NGEF: variants seen among roughly 807,000 people sequenced by gnomAD.
The protein encoded by NGEF is neuronal guanine nucleotide exchange factor.
NGEF carries 31 observed loss-of-function variants against 80.9 expected under a neutral mutation model. That is an observed-to-expected ratio of 0.38 (90% CI 0.29 to 0.52). The LOEUF (loss-of-function observed/expected upper bound fraction) is 0.52, where lower values mean the gene tolerates loss of function less well. NGEF is among the 20% of genes least tolerant of loss of function. The pLI is 0.84. For synonymous variants in NGEF, 371 were observed against 370.2 expected, an observed-to-expected ratio of 1.00 and a Z score of -0.03; for missense variants, 709 against 926.2, an observed-to-expected ratio of 0.77 and a Z score of 3.04.
chr2:232,897,967 G>GGGCCTCACAGCAGCA (rs1491163177), intron 5 of NGEF, among the ~76,000 whole-genome samples: 2 of 151,316 alleles, frequency 1.3e-5, no homozygotes, highest in Admixed American at 6.6e-5. Flanking sequence ...ACACAGCAGC[G>GGGCCTCACAGCAGCA]GGCCTCACAG....
chr2:232,950,046 A>G (rs778220691), intron 3 of NGEF, among the ~76,000 whole-genome samples: 1 of 152,152 alleles, frequency 6.6e-6, no homozygotes, highest in Non-Finnish European at 1.5e-5. Context: ...TGCTGACCTC[A>G]GGTGATACAC....
At chr2:232,989,091 G>A (rs1694599236) in intron 1 of NGEF, among the ~76,000 whole-genome samples, 1 of 152,180 alleles carries the variant, frequency 6.6e-6, no homozygotes. Flanking sequence ...AGCCTGGATA[G>A]TTGGGGAGTA....
At chr2:232,936,631 T>A (rs910598395) in intron 3 of NGEF, among the ~76,000 whole-genome samples, 2 of 152,202 alleles carry the variant, frequency 1.3e-5, no homozygotes, top group Non-Finnish European at 1.5e-5. Context: ...TGGTTGATGG[T>A]GCGCCACGCA....
At chr2:232,983,098 T>C (rs1694470773) in intron 1 of NGEF, among the ~76,000 whole-genome samples, 1 of 152,124 alleles carries the variant, frequency 6.6e-6, no homozygotes, top group African/African-American at 2.4e-5. Flanking sequence ...CTGGGGCATT[T>C]TGGTGTTCTG....
intron 5 of NGEF, among the ~76,000 whole-genome samples, chr2:232,907,913 A>C (rs370457737): frequency 6.6e-6 from 1 of 152,144 alleles, no homozygotes; most frequent in Non-Finnish European, 1.5e-5. Context: ...GTTCGACACC[A>C]GCTTGGCCAA....
In NGEF at chr2:232,954,362, T is replaced by C. The variant is rs544436110; in HGVS notation, c.383+15852A>G. ...TGGAGTTATTGTCTAATAGAAAAGA[T>C]GGATAAGTTGCCAGAAAATGACATT... On this transcript the variant is annotated intron_variant, in intron 3 of 14. Transcript: ENST00000264051. 2.6e-5 allele frequency among the ~76,000 whole-genome samples: 4 copies of C among 152,228 alleles called. No individual in the cohort carries two copies. In the South Asian group the frequency reaches 8.3e-4, roughly 32 times the overall value.
intron 1 of NGEF, among the ~76,000 whole-genome samples, chr2:233,000,878 C>T (rs1267474837): frequency 6.6e-6 from 1 of 152,084 alleles, no homozygotes; most frequent in Non-Finnish European, 1.5e-5. Context: ...AAACATTTAG[C>T]CCATAACAAC....
intron 5 of NGEF, among the ~76,000 whole-genome samples, chr2:232,910,244 G>T (rs905296015): frequency 6.6e-6 from 1 of 151,884 alleles, no homozygotes; most frequent in Non-Finnish European, 1.5e-5. Context: ...GGGTGGGAGG[G>T]GGGTGGATGA....
intron 4 of NGEF, among the ~76,000 whole-genome samples, chr2:232,925,437 AG>A (rs1693041113): frequency 6.6e-6 from 1 of 152,176 alleles, no homozygotes; most frequent in South Asian, 2.1e-4. Flanking sequence ...AGACACCTGC[AG>A]GGGGTAGCAG....
Position 232,879,868 on chromosome 2 carries a change from G to C in NGEF, c.1943-189C>G, listed in dbSNP as rs912538485. On this transcript the variant is annotated intron_variant, in intron 14 of 14. Coordinates refer to ENST00000264051, the MANE Select transcript of NGEF (RefSeq NM_019850.3). ...CTGGAGTCACCCCCATAAGCTGGGAGGTGCATGAGCACCTGCACGGAACAA... is the reference window on the plus strand; with the variant it reads ...CTGGAGTCACCCCCATAAGCTGGGACGTGCATGAGCACCTGCACGGAACAA... Among the ~76,000 whole-genome samples the C allele has an allele frequency of 9.2e-5, 14 of 152,332 alleles. No homozygotes were observed. In the South Asian group the frequency reaches 1.0e-3, roughly 11 times the overall value.
At chr2:233,004,335 C>T (rs1695043526) in intron 1 of NGEF, among the ~76,000 whole-genome samples, 1 of 152,170 alleles carries the variant, frequency 6.6e-6, no homozygotes, top group Non-Finnish European at 1.5e-5. Context: ...CCACCTGCAC[C>T]CACACACCTG....
At chr2:232,886,221 ATAAG>A (rs1288335901) in intron 9 of NGEF, among the ~76,000 whole-genome samples, 2 of 77,358 alleles carry the variant, frequency 2.6e-5, no homozygotes, top group Admixed American at 1.2e-4. Flanking sequence ...ACTGTGTGTG[ATAAG>A]TATGTGCTGT....
chr2:232,942,946 C>T (rs1236189779), intron 3 of NGEF, among the ~76,000 whole-genome samples: 1 of 148,460 alleles, frequency 6.7e-6, no homozygotes, highest in African/African-American at 2.5e-5. Flanking sequence ...CATCCCTCCC[C>T]CGAACTGACC....
intron 3 of NGEF, among the ~76,000 whole-genome samples, chr2:232,956,418 CA>C (rs1333336796): frequency 1.8e-5 from 1 of 54,748 alleles, no homozygotes; most frequent in African/African-American, 1.6e-4. Flanking sequence ...ACAGAAGAAA[CA>C]GTTAACTAAT....
intron 5 of NGEF, among the ~76,000 whole-genome samples, chr2:232,902,620 A>G (rs748937471): frequency 1.3e-5 from 2 of 152,274 alleles, no homozygotes; most frequent in South Asian, 2.1e-4. Context: ...AAATGTTTAC[A>G]TGCTAAAATA....
chr2:232,885,462 C>T (rs1691648136), intron 9 of NGEF, 93 bp from the exon 10 acceptor site: 4 of 975,998 alleles, frequency 4.1e-6, no homozygotes, highest in South Asian at 4.1e-5. Context: ...GGCTGAGTGA[C>T]CACCGTGACC....
Position 232,892,781 on chromosome 2 carries a change from G to T in NGEF, c.1142+117C>A. On this transcript the variant is annotated intron_variant, in intron 7 of 14. Coordinates refer to ENST00000264051, the MANE Select transcript of NGEF (RefSeq NM_019850.3). The surrounding 1 kb of genome is among the most constrained non-coding windows in gnomAD (Gnocchi z 4.0). ...AACTCCGGTGGCTCATGTGGACCTTGGGAACGCAGAGGTAAAGGACCATGA... is the reference window on the plus strand; with the variant it reads ...AACTCCGGTGGCTCATGTGGACCTTTGGAACGCAGAGGTAAAGGACCATGA... The T allele has an allele frequency of 8.6e-7, 1 of 1,158,056 alleles. No individual in the cohort carries two copies. The allele number at this position is 1,158,056 out of a possible 1,614,324, so 71.7% of individuals were successfully genotyped here.
At chr2:232,982,957 C>T (rs575338089) in intron 1 of NGEF, among the ~76,000 whole-genome samples, 53 of 152,326 alleles carry the variant, frequency 3.5e-4, no homozygotes, top group South Asian at 4.1e-4. Context: ...CCCCAGAAGA[C>T]GCTCTGTGTC....
chr2:232,897,077 G>A (rs1692119456), intron 5 of NGEF, among the ~76,000 whole-genome samples: 1 of 137,590 alleles, frequency 7.3e-6, no homozygotes, highest in Non-Finnish European at 1.6e-5. Flanking sequence ...GGTGGGGTGA[G>A]GGGTGAGGGT....
Sources: gnomAD v4.1 joint callset for allele counts (sites outside exome capture counted in the v4.1 genomes callset) on GRCh38, gnomAD v4.1.1 for gene constraint, Gnocchi (gnomAD v3.1) non-coding constraint, MANE v1.5 for transcripts, NCBI Gene and HGNC (gene_info 2026-07-23, HGNC 2026-07-21) for gene names.